The following SLC7A8 variants were observed in gnomAD, a reference collection of about 807,000 sequenced individuals.
The protein encoded by SLC7A8 is solute carrier family 7 member 8.
Under a neutral mutation model 51.2 loss-of-function variants are expected in SLC7A8, and 30 were observed. The ratio of observed to expected loss-of-function variants is 0.59; its 90% CI spans 0.44 to 0.80. SLC7A8 has a LOEUF of 0.80. SLC7A8 is among the 30% of genes least tolerant of loss of function. SLC7A8 has a pLI of 0.00. For missense variants in SLC7A8, 612 were observed against 674.4 expected (o/e 0.91, Z 1.03); for synonymous variants, 257 against 275.8 (o/e 0.93, Z 0.67).
Position 23,143,101 on chromosome 14 carries a change from CATG to C in SLC7A8, c.609_611del (p.Ile203del), listed in dbSNP as rs757407444. On this transcript the variant is annotated inframe_deletion, in exon 4 of 11. Coordinates refer to ENST00000316902, the MANE Select transcript of SLC7A8 (RefSeq NM_012244.4). ...CACCTTTGCATATCTGTACAATCCC[CATG>C]ATGATAATCAGGGCCAAGGCCAGGA... The C allele has an allele frequency of 6.2e-7, 1 of 1,614,034 alleles. No homozygotes were observed. Among genetic ancestry groups the C allele is most frequent in the Non-Finnish European group, 8.5e-7 (1 of 1,180,028 alleles).
chr14:23,144,390 A>T (rs1476673714), intron 3 of SLC7A8, among the ~76,000 whole-genome samples: 1 of 111,596 alleles, frequency 9.0e-6, no homozygotes, highest in East Asian at 2.5e-4. Context: ...GTTGTATTTC[A>T]TTATGGTTTT....
intron 3 of SLC7A8, among the ~76,000 whole-genome samples, chr14:23,163,496 A>G (rs2048934376): frequency 6.6e-6 from 1 of 152,198 alleles, no homozygotes; most frequent in Admixed American, 6.5e-5. Flanking sequence ...GGTCTGTCCC[A>G]GGGTTGACCA....
chr14:23,177,113 T>TG (rs1334415699), intron 1 of SLC7A8, among the ~76,000 whole-genome samples: 1 of 152,192 alleles, frequency 6.6e-6, no homozygotes, highest in African/African-American at 2.4e-5. Flanking sequence ...GAAAACAAAA[T>TG]GGTCTGACAT....
intron 2 of SLC7A8, among the ~76,000 whole-genome samples, chr14:23,166,113 A>G (rs1250731873): frequency 2.0e-5 from 3 of 152,122 alleles, no homozygotes; most frequent in Non-Finnish European, 2.9e-5. Context: ...CATAGAGGTC[A>G]AAACTACAAA....
At chr14:23,163,247 C>T (rs1271924618) in intron 3 of SLC7A8, among the ~76,000 whole-genome samples, 4 of 152,104 alleles carry the variant, frequency 2.6e-5, no homozygotes, top group Non-Finnish European at 5.9e-5. Flanking sequence ...CTTGTGACCA[C>T]GACCTCTTGA....
intron 3 of SLC7A8, among the ~76,000 whole-genome samples, chr14:23,146,601 T>C (rs927651742): frequency 1.3e-5 from 2 of 152,168 alleles, no homozygotes; most frequent in Admixed American, 6.5e-5. Flanking sequence ...ACTCAGCCCT[T>C]GACTAATATT....
chr14:23,172,397 C>T (rs2048979273), intron 1 of SLC7A8, among the ~76,000 whole-genome samples: 4 of 152,178 alleles, frequency 2.6e-5, no homozygotes, highest in Non-Finnish European at 5.9e-5. Context: ...TATTGAGCGC[C>T]CACTCTGTAC....
In SLC7A8 at chr14:23,128,079, G is replaced by A. The variant is rs2048595704; in HGVS notation, c.1381C>T (p.Pro461Ser). ...CAGTAAACACCCAGGAAATAGACAG[G>A]CACTCCTGTCAGCATGATGGCCAGG... The part of the protein sequence containing the change: ...IGLAIMLTGV[P>S]VYFLGVYWQH... The change falls in exon 10 of 11, where the codon CCT (proline) becomes TCT (serine). Residue 461 changes from proline to serine, a missense_variant. Transcript: ENST00000316902. The surrounding 1 kb of genome is among the most constrained non-coding windows in gnomAD (Gnocchi z 4.3). 2 of 1,614,220 alleles carry A rather than the reference G, an allele frequency of 1.2e-6. No individual in the cohort carries two copies. The highest frequency in any genetic ancestry group is 8.5e-7 in the Non-Finnish European group (1 of 1,180,044).
Position 23,128,144 on chromosome 14 carries a change from A to G in SLC7A8, c.1316T>C (p.Val439Ala). ...IYLLFWAFLLVFSLWSEPVVC... is the reference protein window; with the variant it reads ...IYLLFWAFLLAFSLWSEPVVC... ...CACCGGCTCTGACCACAGGCTGAAG[A>G]CCAGCAGGAAGGCCCAGAACAGCAA... The change falls in exon 10 of 11, where the codon GTC becomes GCC. Residue 439 changes from valine to alanine, a missense_variant. Coordinates refer to ENST00000316902, the MANE Select transcript of SLC7A8 (RefSeq NM_012244.4). The surrounding 1 kb of genome is among the most constrained non-coding windows in gnomAD (Gnocchi z 4.3). 1 of 1,614,218 alleles carries G rather than the reference A, an allele frequency of 6.2e-7. No homozygotes were observed. The highest frequency in any genetic ancestry group is 8.5e-7 in the Non-Finnish European group (1 of 1,180,032).
At position 23,128,457 on chromosome 14, in the gene SLC7A8, C is replaced by A; in HGVS notation, c.1264-261G>T. The A allele has an allele frequency of 4.1e-6, 5 of 1,221,998 alleles. No individual in the cohort carries two copies. The highest frequency in any genetic ancestry group is 5.6e-6 in the Non-Finnish European group (5 of 887,038). The allele number at this position is 1,221,998 out of a possible 1,614,324, so 75.7% of individuals were successfully genotyped here. A position where few individuals can be genotyped will look rare whatever the true frequency, so the allele number is the denominator to read the frequency against. On this transcript the variant is annotated intron_variant, in intron 9 of 10. Transcript: ENST00000316902. This position sits in a 1 kb window ranked among gnomAD's most constrained non-coding sequence, Gnocchi z 4.3. ...AAACGATCCTCCTTGCCCATGTCCT[C>A]GCTCTTGGGTGTGGTTAGACAAGGC...
intron 1 of SLC7A8, among the ~76,000 whole-genome samples, chr14:23,170,651 G>T (rs140968721): frequency 6.6e-6 from 1 of 152,044 alleles, no homozygotes; most frequent in East Asian, 1.9e-4. Flanking sequence ...TAAAGATGGG[G>T]TTTCACCATG....
At chr14:23,155,549 G>A in intron 3 of SLC7A8, 1 of 1,226,252 alleles carries the variant, frequency 8.2e-7, no homozygotes, top group Non-Finnish European at 1.0e-6. Context: ...GCTAAACATG[G>A]CTCCTCAGCT....
chr14:23,172,574 C>A (rs2048980272), intron 1 of SLC7A8, among the ~76,000 whole-genome samples: 1 of 152,214 alleles, frequency 6.6e-6, no homozygotes. Flanking sequence ...CACATCTTGC[C>A]TCCAGCATTC....
At chr14:23,131,641 C>CCTGTGTGG in intron 7 of SLC7A8, 84 bp from the exon 8 acceptor site, 2 of 1,036,106 alleles carry the variant, frequency 1.9e-6, no homozygotes, top group Non-Finnish European at 2.7e-6. Flanking sequence ...ACCTTCTGCC[C>CCTGTGTGG]ACACAGGGGC....
chr14:23,152,590 T>C (rs2048856989), intron 3 of SLC7A8, among the ~76,000 whole-genome samples: 1 of 151,968 alleles, frequency 6.6e-6, no homozygotes, highest in Admixed American at 6.6e-5. Context: ...ATTTTTGTAT[T>C]TTTTGTAGAG....
Position 23,132,345 on chromosome 14 carries a change from G to C in SLC7A8, c.1017-788C>G, listed in dbSNP as rs1462194444. Among the ~76,000 whole-genome samples the C allele has an allele frequency of 2.6e-5, 4 of 152,168 alleles. No individual in the cohort carries two copies. In the East Asian group the frequency reaches 5.8e-4, roughly 22 times the overall value. ...AGTCAGAGAGTAGTTAGTTGTCTTT[G>C]TGGGAGTAGGGAATTGGTGGTGGAA... is the stretch of plus-strand genomic sequence containing the variant. On this transcript the variant is annotated intron_variant, in intron 7 of 10. Coordinates refer to ENST00000316902, the MANE Select transcript of SLC7A8 (RefSeq NM_012244.4).
intron 1 of SLC7A8, among the ~76,000 whole-genome samples, chr14:23,181,955 G>T (rs1594844689): frequency 6.6e-6 from 1 of 152,176 alleles, no homozygotes. Context: ...CACTCTTGGG[G>T]CCACCCAGGT....
chr14:23,175,619 T>C (rs751970119), intron 1 of SLC7A8, among the ~76,000 whole-genome samples: 86 of 152,218 alleles, frequency 5.6e-4, no homozygotes, highest in Non-Finnish European at 1.1e-3. Flanking sequence ...TCTAAGCATC[T>C]CCTGCTAGTC....
Position 23,128,370 on chromosome 14 carries a change from T to A in SLC7A8, c.1264-174A>T, listed in dbSNP as rs545005134. On this transcript the variant is annotated intron_variant, in intron 9 of 10. Transcript: ENST00000316902. This position sits in a 1 kb window ranked among gnomAD's most constrained non-coding sequence, Gnocchi z 4.3. Reference sequence around the variant, plus strand: ...CACCCCTGGTAGGGCAGGGGCTATATAAACAAATGTTGATGAACATGGTCG... The same window carrying A: ...CACCCCTGGTAGGGCAGGGGCTATAAAAACAAATGTTGATGAACATGGTCG... 3 of 1,533,288 alleles carry A rather than the reference T, an allele frequency of 2.0e-6. No homozygotes were observed. The African/African-American group carries it at 4.1e-5, about 21-fold the overall frequency. The allele number at this position is 1,533,288 out of a possible 1,614,324, so 95.0% of individuals were successfully genotyped here.
Sources: allele counts gnomAD v4.1 joint callset (sites outside exome capture counted in the v4.1 genomes callset), GRCh38; gene constraint gnomAD v4.1.1; non-coding constraint Gnocchi (gnomAD v3.1); transcripts MANE v1.5; gene names NCBI Gene and HGNC (gene_info 2026-07-23, HGNC 2026-07-21).